The following GPC6 variants were observed in gnomAD, a reference collection of about 807,000 sequenced individuals.
GPC6 encodes glypican-6.
Under a neutral mutation model 55.2 loss-of-function variants are expected in GPC6, and 14 were observed. The ratio of observed to expected loss-of-function variants is 0.25; its 90% CI spans 0.17 to 0.40. The LOEUF (loss-of-function observed/expected upper bound fraction) is 0.40. Ranked by LOEUF, GPC6 falls within the 10% of genes least tolerant of loss-of-function variation. GPC6 has a pLI of 1.00. For synonymous variants in GPC6, 278 were observed against 259.6 expected, an observed-to-expected ratio of 1.07 and a Z score of -0.68; for missense variants, 641 against 708.5, an observed-to-expected ratio of 0.90 and a Z score of 1.08.
chr13:93,595,659 A>T (rs890952282), intron 2 of GPC6, among the ~76,000 whole-genome samples: 2 of 152,190 alleles, frequency 1.3e-5, no homozygotes, highest in African/African-American at 4.8e-5. Context: ...TTCTGATTGT[A>T]CATAAAAAGA....
At chr13:94,239,911 A>G (rs1891002423) in intron 4 of GPC6, among the ~76,000 whole-genome samples, 1 of 152,084 alleles carries the variant, frequency 6.6e-6, no homozygotes, top group Non-Finnish European at 1.5e-5. Flanking sequence ...TGTGCAAAGG[A>G]GACTCCTGGG....
chr13:93,252,123 G>A (rs1473720530), intron 1 of GPC6, among the ~76,000 whole-genome samples: 1 of 152,180 alleles, frequency 6.6e-6, no homozygotes, highest in African/African-American at 2.4e-5. Context: ...CACCCTGAGA[G>A]TTTTTGATTC....
chr13:93,654,065 T>G (rs1316653934), intron 2 of GPC6, among the ~76,000 whole-genome samples: 2 of 152,172 alleles, frequency 1.3e-5, no homozygotes, highest in Non-Finnish European at 2.9e-5. Flanking sequence ...ATTCATTTTG[T>G]ATGTTGAGAA....
chr13:93,365,200 G>A lies in GPC6; in HGVS notation c.160+137584G>A, dbSNP rs145095847. The stretch of plus-strand genomic sequence containing the variant: ...GTTTATCCATTCAAAGAGGGAACCC[G>A]TGACTTGTCTTCCACTCTCCCTGAC... On this transcript the variant is annotated intron_variant, in intron 1 of 8. Transcript: ENST00000377047. Among the ~76,000 whole-genome samples, 696 of 152,142 alleles carry A rather than the reference G, an allele frequency of 4.6e-3. 15 individuals carry two copies. Among genetic ancestry groups the A allele is most frequent in the Admixed American group, 0.034 (525 of 15,254 alleles).
At chr13:93,941,998 G>A (rs778001174) in intron 3 of GPC6, among the ~76,000 whole-genome samples, 1 of 152,132 alleles carries the variant, frequency 6.6e-6, no homozygotes, top group Non-Finnish European at 1.5e-5. Flanking sequence ...CACAACACCA[G>A]CTGCGTTGGT....
intron 1 of GPC6, among the ~76,000 whole-genome samples, chr13:93,268,744 T>C (rs76996066): frequency 0.032 from 4,838 of 152,202 alleles, 237 homozygotes; most frequent in African/African-American, 0.11. Context: ...CAGAATGTCA[T>C]TCCCCTGGTT....
At chr13:94,177,076 A>G (rs9589925) in intron 4 of GPC6, among the ~76,000 whole-genome samples, 11,043 of 152,318 alleles carry the variant, frequency 0.072, 476 homozygotes, top group Middle Eastern at 0.15. Flanking sequence ...AAACCCATTC[A>G]GAAGATTTGC....
chr13:93,795,001 T>C (rs1365579742), intron 2 of GPC6, among the ~76,000 whole-genome samples: 2 of 152,222 alleles, frequency 1.3e-5, no homozygotes, highest in African/African-American at 2.4e-5. Context: ...TCTCAGCATA[T>C]AGACTGTGAA....
intron 4 of GPC6, among the ~76,000 whole-genome samples, chr13:94,225,548 AGTGTTTAATAATAT>A (rs1439623587): frequency 6.6e-6 from 1 of 152,172 alleles, no homozygotes; most frequent in East Asian, 1.9e-4. Flanking sequence ...AAATCCACGC[AGTGTTTAATAATAT>A]GTATTTCCAT....
Position 94,066,767 on chromosome 13 carries a change from G to T in GPC6, c.877+38873G>T, listed in dbSNP as rs77787536. On this transcript the variant is annotated intron_variant, in intron 4 of 8. Transcript: ENST00000377047. ...AGGTGAATATGACACATCCCTTTCC[G>T]CAAGGAACACACAACTTTATTTAAC... Among the ~76,000 whole-genome samples the T allele has an allele frequency of 1.6e-4, 25 of 152,136 alleles. No homozygotes were observed. The East Asian group carries it at 4.8e-3, about 29-fold the overall frequency.
intron 2 of GPC6, among the ~76,000 whole-genome samples, chr13:93,824,344 C>A (rs966630484): frequency 6.6e-6 from 1 of 152,172 alleles, no homozygotes; most frequent in Non-Finnish European, 1.5e-5. Context: ...ATGTGTGAGA[C>A]TGCAATGTGT....
At chr13:93,951,110 A>G (rs1025765319) in intron 3 of GPC6, among the ~76,000 whole-genome samples, 1 of 152,224 alleles carries the variant, frequency 6.6e-6, no homozygotes, top group Non-Finnish European at 1.5e-5. Flanking sequence ...AATGTAACTT[A>G]CATTTCTCAG....
chr13:93,944,029 C>A (rs1383646180), intron 3 of GPC6, among the ~76,000 whole-genome samples: 5 of 152,144 alleles, frequency 3.3e-5, no homozygotes, highest in Non-Finnish European at 7.4e-5. Flanking sequence ...CTCTGAAGCA[C>A]CTGCTAGCGC....
Position 94,222,215 on chromosome 13 carries a change from T to C in GPC6, c.878-64134T>C, listed in dbSNP as rs140846870. Among the ~76,000 whole-genome samples, 24 of 152,138 alleles carry C rather than the reference T, an allele frequency of 1.6e-4. 1 individual carries two copies. Among genetic ancestry groups the C allele is most frequent in the African/African-American group, 5.1e-4 (21 of 41,538 alleles). On this transcript the variant is annotated intron_variant, in intron 4 of 8. Coordinates refer to ENST00000377047, the MANE Select transcript of GPC6 (RefSeq NM_005708.5). ...TCATGTTTTGGGTCAAATGTGTTCT[T>C]CTCAAAATAAATTGAGTGATAAAAG...
chr13:93,880,042 A>G (rs1460855997), intron 3 of GPC6, among the ~76,000 whole-genome samples: 1 of 151,542 alleles, frequency 6.6e-6, no homozygotes, highest in Non-Finnish European at 1.5e-5. Flanking sequence ...TTAGAATGGC[A>G]ATCGTTAAAA....
intron 1 of GPC6, among the ~76,000 whole-genome samples, chr13:93,231,410 T>C (rs1270048899): frequency 1.0e-4 from 4 of 38,208 alleles, no homozygotes; most frequent in African/African-American, 3.4e-4. Flanking sequence ...TATATATATA[T>C]ATATATATAT....
intron 3 of GPC6, among the ~76,000 whole-genome samples, chr13:93,985,689 C>CAAAAAAAAAAAAAAAAAAAAAAAAA (rs34003218): frequency 1.4e-5 from 1 of 69,402 alleles, no homozygotes; most frequent in African/African-American, 6.3e-5. Flanking sequence ...AAGACCTGGC[C>CAAAAAAAAAAAAAAAAAAAAAAAAA]AAAAAAAAAA....
intron 2 of GPC6, among the ~76,000 whole-genome samples, chr13:93,789,439 A>T (rs1289377054): frequency 4.3e-5 from 6 of 139,744 alleles, no homozygotes; most frequent in Non-Finnish European, 9.2e-5. Context: ...TAAATATGTG[A>T]GTGTACCTAT....
At chr13:93,443,373 T>C (rs761356951) in intron 1 of GPC6, among the ~76,000 whole-genome samples, 1 of 152,200 alleles carries the variant, frequency 6.6e-6, no homozygotes, top group Non-Finnish European at 1.5e-5. Flanking sequence ...GCAAAATAAG[T>C]AGCTGAACGA....
Sources: allele counts gnomAD v4.1 joint callset (sites outside exome capture counted in the v4.1 genomes callset), GRCh38; gene constraint gnomAD v4.1.1; transcripts MANE v1.5; gene names NCBI Gene and HGNC (gene_info 2026-07-23, HGNC 2026-07-21).